The following RANBP17 variants were observed in gnomAD, a reference collection of about 807,000 sequenced individuals.
RANBP17 encodes ran-binding protein 17.
A neutral mutation model predicts 141.2 loss-of-function variants in RANBP17; 158 were observed. The ratio of observed to expected loss-of-function variants is 1.12; its 90% confidence interval spans 0.98 to 1.28. RANBP17 has a LOEUF of 1.28. RANBP17 is among the 50% of genes most tolerant of loss of function. The pLI is 0.00. For missense variants in RANBP17, 1,438 were observed against 1,290.7 expected, an observed-to-expected ratio of 1.11 and a Z score of -1.75; for synonymous variants, 430 against 450.0, an observed-to-expected ratio of 0.96 and a Z score of 0.56.
chr5:171,120,063 G>C (rs1178426116), intron 14 of RANBP17, among the ~76,000 whole-genome samples: 1 of 148,918 alleles, frequency 6.7e-6, no homozygotes, highest in African/African-American at 2.5e-5. Context: ...AAAAATGAGA[G>C]AGAGGTACCA....
At chr5:170,946,264 T>G (rs967702502) in intron 12 of RANBP17, among the ~76,000 whole-genome samples, 1 of 152,144 alleles carries the variant, frequency 6.6e-6, no homozygotes, top group Non-Finnish European at 1.5e-5. Context: ...TCTAAATTGA[T>G]AAAACATAAC....
intron 12 of RANBP17, among the ~76,000 whole-genome samples, chr5:170,932,835 A>G (rs533771796): frequency 6.6e-6 from 1 of 152,288 alleles, no homozygotes; most frequent in South Asian, 2.1e-4. Context: ...GGATTTTTGC[A>G]TCGATATTCA....
chr5:171,169,465 A>G (rs1457488845), intron 14 of RANBP17, among the ~76,000 whole-genome samples: 1 of 152,052 alleles, frequency 6.6e-6, no homozygotes, highest in Non-Finnish European at 1.5e-5. Context: ...TTGGATTGAG[A>G]CTGAAATGTT....
In RANBP17 at chr5:170,914,246, T is replaced by A; in HGVS notation, c.834+6T>A. 6.4e-7 allele frequency: 1 copy of A among 1,556,264 alleles called. No homozygotes were observed. Among genetic ancestry groups the A allele is most frequent in the South Asian group, 1.1e-5 (1 of 89,612 alleles). ...CACCACTACTATCTCAGTTAGTAAG[T>A]AAAAGTCATTCGTTATTTCGTTAAA... On this transcript the variant is annotated splice_donor_region_variant and intron_variant, in intron 8 of 27. Coordinates refer to ENST00000523189, the MANE Select transcript of RANBP17 (RefSeq NM_022897.5).
chr5:170,894,486 T>TATATATATA (rs376342999), intron 4 of RANBP17, among the ~76,000 whole-genome samples: 57,324 of 132,466 alleles, frequency 0.43, 13,960 homozygotes, highest in Middle Eastern at 0.59. Flanking sequence ...TACGTGTTTT[T>TATATATATA]TATATATATA....
At chr5:171,283,697 A>C (rs1367012212) in intron 25 of RANBP17, among the ~76,000 whole-genome samples, 3 of 152,252 alleles carry the variant, frequency 2.0e-5, no homozygotes, top group African/African-American at 7.2e-5. Context: ...TTGGGTGTTC[A>C]CGTGCATATG....
chr5:171,264,626 A>T (rs1200221214), intron 24 of RANBP17, among the ~76,000 whole-genome samples: 2 of 152,238 alleles, frequency 1.3e-5, no homozygotes, highest in African/African-American at 2.4e-5. Flanking sequence ...AGTAACTCAT[A>T]GTAAGCTCTT....
intron 4 of RANBP17, among the ~76,000 whole-genome samples, chr5:170,893,977 A>G (rs1036175003): frequency 6.6e-6 from 1 of 152,134 alleles, no homozygotes; most frequent in Non-Finnish European, 1.5e-5. Flanking sequence ...TTCATCATAT[A>G]GTGCAGTGCT....
intron 19 of RANBP17, among the ~76,000 whole-genome samples, chr5:171,201,143 T>G (rs887329762): frequency 6.6e-6 from 1 of 152,236 alleles, no homozygotes; most frequent in African/African-American, 2.4e-5. Context: ...CCATCTAGTT[T>G]GATAGAAACC....
intron 1 of RANBP17, among the ~76,000 whole-genome samples, chr5:170,876,251 C>T (rs889255538): frequency 6.6e-6 from 1 of 152,208 alleles, no homozygotes; most frequent in East Asian, 1.9e-4. Flanking sequence ...CTGTGGGTTA[C>T]CCCAACTGCC....
chr5:171,236,550 A>T (rs1010475000), intron 22 of RANBP17, among the ~76,000 whole-genome samples: 2 of 152,116 alleles, frequency 1.3e-5, no homozygotes, highest in African/African-American at 4.8e-5. Flanking sequence ...GACTAGAGGG[A>T]AGTGACATTA....
intron 1 of RANBP17, among the ~76,000 whole-genome samples, chr5:170,868,814 A>G (rs577378993): frequency 3.3e-5 from 5 of 152,334 alleles, no homozygotes; most frequent in African/African-American, 1.2e-4. Context: ...TCAGTTTACT[A>G]TAAAAAATAA....
At chr5:171,061,666 G>A (rs940324533) in intron 14 of RANBP17, among the ~76,000 whole-genome samples, 4 of 152,068 alleles carry the variant, frequency 2.6e-5, no homozygotes, top group African/African-American at 4.8e-5. Flanking sequence ...AGTTCTGTAG[G>A]TGTCTATTAG....
intron 24 of RANBP17, among the ~76,000 whole-genome samples, chr5:171,262,226 G>A (rs1766380005): frequency 6.6e-6 from 1 of 152,152 alleles, no homozygotes; most frequent in South Asian, 2.1e-4. Context: ...CTTTGTAGAT[G>A]TCGAGTTACA....
intron 12 of RANBP17, among the ~76,000 whole-genome samples, chr5:170,927,724 T>C (rs564513425): frequency 2.0e-4 from 30 of 152,244 alleles, no homozygotes; most frequent in African/African-American, 7.0e-4. Flanking sequence ...TTTTTGTTGT[T>C]GCATAGTATT....
intron 24 of RANBP17, among the ~76,000 whole-genome samples, chr5:171,247,647 C>T (rs1214153132): frequency 6.6e-6 from 1 of 152,138 alleles, no homozygotes; most frequent in African/African-American, 2.4e-5. Flanking sequence ...CTGCCCACCC[C>T]AACCCGCAAC....
chr5:171,152,596 A>C (rs1758572242), intron 14 of RANBP17, among the ~76,000 whole-genome samples: 2 of 151,984 alleles, frequency 1.3e-5, no homozygotes, highest in Non-Finnish European at 2.9e-5. Context: ...GGTTCTCCAT[A>C]ATCTAGCTCC....
chr5:171,064,882 A>C (rs75257121), intron 14 of RANBP17, among the ~76,000 whole-genome samples: 19 of 152,084 alleles, frequency 1.2e-4, no homozygotes, highest in African/African-American at 4.6e-4. Flanking sequence ...AAAAAAAAAA[A>C]TCCTTGATTT....
chr5:171,176,972 A>AC (rs1329531245), intron 16 of RANBP17, among the ~76,000 whole-genome samples: 1 of 152,180 alleles, frequency 6.6e-6, no homozygotes, highest in East Asian at 1.9e-4. Context: ...TGTTACAGGA[A>AC]CTATTTAGCA....
Sources: allele counts gnomAD v4.1 joint callset (sites outside exome capture counted in the v4.1 genomes callset), GRCh38; gene constraint gnomAD v4.1.1; transcripts MANE v1.5; gene names NCBI Gene and HGNC (gene_info 2026-07-23, HGNC 2026-07-21).